Variants in ACOX1 observed in about 807,000 individuals in gnomAD.
The protein encoded by ACOX1 is acyl-CoA oxidase 1.
A neutral mutation model predicts 75.5 loss-of-function variants in ACOX1; 41 were observed. The observed-to-expected ratio is 0.54, with a 90% confidence interval of 0.42 to 0.70. ACOX1 has a LOEUF of 0.70. ACOX1 is among the 30% of genes least tolerant of loss of function. The pLI is 0.00. For missense variants in ACOX1, 630 were observed against 837.5 expected (o/e 0.75, Z 3.06); for synonymous variants, 303 against 298.8 (o/e 1.01, Z -0.15).
At position 75,978,586 on chromosome 17, in the gene ACOX1, T is replaced by G; in HGVS notation, c.217A>C (p.Lys73Gln). 1 of 1,614,192 alleles carries G rather than the reference T, an allele frequency of 6.2e-7. No homozygotes were observed. Among genetic ancestry groups the G allele is most frequent in the Non-Finnish European group, 8.5e-7 (1 of 1,180,034 alleles). ...AVRKSAIMVK[K>Q]MREFGIADPD... ...TCAGCGATGCCAAACTCCCTCATCT[T>G]CTTCACCATGATGGCACTTTTCCTG... Residue 73 changes from lysine to glutamine, a missense_variant, in exon 2 of 14, where the codon AAG becomes CAG. Lys to Gln is a moderately conservative substitution (Grantham distance 53). Coordinates refer to ENST00000293217, the MANE Select transcript of ACOX1 (RefSeq NM_004035.7). The surrounding 1 kb of genome is among the most constrained non-coding windows in gnomAD (Gnocchi z 4.2).
At chr17:75,948,495 T>C in intron 12 of ACOX1, 38 bp from the exon 13 acceptor site, 2 of 1,508,618 alleles carry the variant, frequency 1.3e-6, no homozygotes, top group Non-Finnish European at 1.8e-6. Context: ...AACATATATA[T>C]GTATATAGAT....
At position 75,941,769 on chromosome 17, in the gene ACOX1, G is replaced by C. The variant is rs1277305192; in HGVS notation, c.*4979C>G. ...AACTCGAGCCACAACAGCAAAGGGG[G>C]AAAAAGGTAGCAAAGTAATTATGTG... On this transcript the variant is annotated 3_prime_UTR_variant, in exon 14 of 14. Coordinates refer to ENST00000293217, the MANE Select transcript of ACOX1 (RefSeq NM_004035.7). 2.0e-5 allele frequency: 3 copies of C among 152,128 alleles called. No individual in the cohort carries two copies. The highest frequency in any genetic ancestry group is 4.4e-5 in the Non-Finnish European group (3 of 68,034). 9.4% of individuals were successfully genotyped at this position (152,128 alleles called of 1,614,324 possible). A position where few individuals can be genotyped will look rare whatever the true frequency, so the allele number is the denominator to read the frequency against.
chr17:75,978,799 T>C lies in ACOX1; in HGVS notation c.110-106A>G. 2 of 1,605,648 alleles carry C rather than the reference T, an allele frequency of 1.2e-6. No individual in the cohort carries two copies. The highest frequency in any genetic ancestry group is 1.3e-5 in the African/African-American group (1 of 75,004). Reference sequence around the variant, plus strand: ...CAGAGTCGCGGACACACCTGGGGAATGGCGATATCCCCCCACCAGGGACAC... The same window carrying C: ...CAGAGTCGCGGACACACCTGGGGAACGGCGATATCCCCCCACCAGGGACAC... On this transcript the variant is annotated intron_variant, in intron 1 of 13. Coordinates refer to ENST00000293217, the MANE Select transcript of ACOX1 (RefSeq NM_004035.7). This position sits in a 1 kb window ranked among gnomAD's most constrained non-coding sequence, Gnocchi z 4.2.
At chr17:75,958,636 G>A (rs189778603) in intron 3 of ACOX1, among the ~76,000 whole-genome samples, 135 of 151,686 alleles carry the variant, frequency 8.9e-4, no homozygotes, top group East Asian at 2.5e-3. Context: ...GCGAAACCCC[G>A]TCTCTACTAA....
chr17:75,968,308 C>T (rs1440431116), intron 2 of ACOX1, among the ~76,000 whole-genome samples: 2 of 146,040 alleles, frequency 1.4e-5, no homozygotes, highest in African/African-American at 5.1e-5. Context: ...TAGTGGCGGG[C>T]GCCTGTAGTC....
Position 75,968,037 on chromosome 17 carries a change from C to G in ACOX1, c.270-7662G>C, listed in dbSNP as rs537171132. Among the ~76,000 whole-genome samples, 151 of 151,228 alleles carry G rather than the reference C, an allele frequency of 1.0e-3. No individual in the cohort carries two copies. The Middle Eastern group carries it at 0.01, about 10-fold the overall frequency. On this transcript the variant is annotated intron_variant, in intron 2 of 13. Transcript: ENST00000293217. The stretch of plus-strand genomic sequence containing the variant: ...TACAGGCGAGAGCCATTGCACCCAG[C>G]CAAAAAACCGTATTTTATACATAGA...
Position 75,950,345 on chromosome 17 carries a change from A to C in ACOX1, c.1298+429T>G, listed in dbSNP as rs555212606. Among the ~76,000 whole-genome samples the C allele has an allele frequency of 2.0e-5, 3 of 151,084 alleles. No individual in the cohort carries two copies. The highest frequency in any genetic ancestry group is 4.4e-5 in the Non-Finnish European group (3 of 67,814). On this transcript the variant is annotated intron_variant, in intron 9 of 13. Transcript: ENST00000293217. This position sits in a 1 kb window ranked among gnomAD's most constrained non-coding sequence, Gnocchi z 4.3. ...ACTGCAACCTCCGCTTCCCAGGTTC[A>C]AGCGATTCTTCTGCCTCAGCCTCCC...
In ACOX1 at chr17:75,945,487, A is replaced by G. The variant is rs1253498319; in HGVS notation, c.*1261T>C. On this transcript the variant is annotated 3_prime_UTR_variant, in exon 14 of 14. Transcript: ENST00000293217. The stretch of plus-strand genomic sequence containing the variant: ...ATAGGAGTTATGTTTCCATGGAATT[A>G]AGCCATATTCTCAGGACTGATTCTA... 2.0e-5 allele frequency: 3 copies of G among 152,640 alleles called. No homozygotes were observed. In the East Asian group the frequency reaches 5.8e-4, roughly 29 times the overall value. 9.5% of individuals were successfully genotyped at this position (152,640 alleles called of 1,614,324 possible).
At position 75,946,352 on chromosome 17, in the gene ACOX1, T is replaced by A. The variant is rs1224529413; in HGVS notation, c.*396A>T. 1 of 325,720 alleles carries A rather than the reference T, an allele frequency of 3.1e-6. No individual in the cohort carries two copies. The highest frequency in any genetic ancestry group is 2.2e-5 in the African/African-American group (1 of 46,086). The allele number at this position is 325,720 out of a possible 1,614,324, so 20.2% of individuals were successfully genotyped here. On this transcript the variant is annotated 3_prime_UTR_variant, in exon 14 of 14. Transcript: ENST00000293217. ...ACTGAGCAGGAAAGCTTGGAAGGGT[T>A]CTACACCACTTCAAAAATACCTTTG...
chr17:75,967,103 C>T (rs1190099540), intron 2 of ACOX1, among the ~76,000 whole-genome samples: 1 of 150,496 alleles, frequency 6.6e-6, no homozygotes, highest in Non-Finnish European at 1.5e-5. Flanking sequence ...ATCTAGAAAA[C>T]CATGAGATTC....
chr17:75,947,772 C>T (rs1027496734), intron 13 of ACOX1, among the ~76,000 whole-genome samples: 28 of 150,092 alleles, frequency 1.9e-4, no homozygotes, highest in African/African-American at 6.4e-4. Flanking sequence ...TGCAATGGCA[C>T]GAACGTGGCT....
At chr17:75,966,735 G>A (rs546583891) in intron 2 of ACOX1, among the ~76,000 whole-genome samples, 120 of 152,248 alleles carry the variant, frequency 7.9e-4, no homozygotes, top group African/African-American at 2.6e-3. Flanking sequence ...AGGAGGCAGA[G>A]GTTGCAGTGA....
intron 2 of ACOX1, among the ~76,000 whole-genome samples, chr17:75,973,156 C>CT (rs776400598): frequency 2.0e-5 from 3 of 152,156 alleles, no homozygotes; most frequent in African/African-American, 4.8e-5. Context: ...GAATCATGGA[C>CT]TTTTTTCCAA....
intron 2 of ACOX1, chr17:75,973,441 A>G: frequency 1.5e-6 from 1 of 659,452 alleles, no homozygotes; most frequent in Non-Finnish European, 2.7e-6. Flanking sequence ...TGACGTTTAT[A>G]GGCCAGAGCC....
chr17:75,956,731 CT>C (rs962992538), intron 4 of ACOX1, among the ~76,000 whole-genome samples: 169 of 138,248 alleles, frequency 1.2e-3, no homozygotes, highest in Admixed American at 1.3e-3. Flanking sequence ...AAATTTTTTT[CT>C]TTTTTTTTTT....
intron 2 of ACOX1, among the ~76,000 whole-genome samples, chr17:75,969,773 T>C (rs1178353297): frequency 1.3e-5 from 2 of 152,090 alleles, no homozygotes; most frequent in Non-Finnish European, 2.9e-5. Flanking sequence ...TATCATACAA[T>C]CTCTATATTC....
chr17:75,953,747 T>G (rs1042429451), intron 6 of ACOX1, 127 bp from the exon 7 acceptor site: 21 of 1,113,670 alleles, frequency 1.9e-5, no homozygotes, highest in Non-Finnish European at 2.7e-5. Context: ...AAATACTACA[T>G]CTTAGTCCCC....
intron 2 of ACOX1, among the ~76,000 whole-genome samples, chr17:75,961,610 A>T (rs1164155631): frequency 6.6e-6 from 1 of 151,938 alleles, no homozygotes; most frequent in African/African-American, 2.4e-5. Flanking sequence ...TCTCTACTAA[A>T]TATACAAAAT....
chr17:75,949,277 C>T lies in ACOX1; in HGVS notation c.1668G>A (p.Arg556=). The T allele has an allele frequency of 6.2e-7, 1 of 1,614,196 alleles. No individual in the cohort carries two copies. The highest frequency in any genetic ancestry group is 8.5e-7 in the Non-Finnish European group (1 of 1,180,028). The change falls in exon 12 of 14, where the codon AGG becomes AGA. Residue 556 remains arginine, a synonymous_variant. Transcript: ENST00000293217. ...IQDKAIQAVL[R]SLCLLYSLYG... is the part of the protein sequence containing the mutation. Reference sequence around the variant, plus strand: ...ACAGAGAATACAGCAGACATAAACTCCTTAAGACAGCTTGAATGGCTTTAT... The same window carrying T: ...ACAGAGAATACAGCAGACATAAACTTCTTAAGACAGCTTGAATGGCTTTAT...
Sources: allele counts gnomAD v4.1 joint callset (sites outside exome capture counted in the v4.1 genomes callset), GRCh38; gene constraint gnomAD v4.1.1; non-coding constraint Gnocchi (gnomAD v3.1); transcripts MANE v1.5; gene names NCBI Gene and HGNC (gene_info 2026-07-23, HGNC 2026-07-21).